Variants in SCD5 observed in about 807,000 individuals in gnomAD.
SCD5 encodes the protein stearoyl-CoA desaturase 5, also known as acyl-CoA-desaturase 4.
SCD5 carries 20 observed loss-of-function variants against 30.4 expected under a neutral mutation model. The ratio of observed to expected loss-of-function variants is 0.66; its 90% CI spans 0.46 to 0.96. SCD5 has a LOEUF of 0.96. Ranked by LOEUF, SCD5 falls within the 40% of genes least tolerant of loss-of-function variation. The pLI, the probability that SCD5 is intolerant of heterozygous loss-of-function variation, is 0.00. For missense variants in SCD5, 381 were observed against 443.3 expected (o/e 0.86, Z 1.26); for synonymous variants, 173 against 176.4 (o/e 0.98, Z 0.16).
In SCD5 at chr4:82,631,438, G is replaced by A. The variant is rs774675143; in HGVS notation, c.882C>T (p.Thr294=). The change falls in exon 5 of 5, where the codon ACC becomes ACT. Residue 294 remains threonine (T), a synonymous_variant. Coordinates refer to ENST00000319540, the MANE Select transcript of SCD5 (RefSeq NM_001037582.3). The part of the protein sequence containing the change: ...ASEFGLNFNP[T]TWFIDFMCWL... The stretch of plus-strand genomic sequence containing the variant: ...AGCACATGAAATCAATGAACCAGGT[G>A]GTTGGGTTAAAATTTAAGCCAAATT... The A allele has an allele frequency of 3.2e-5, 52 of 1,614,032 alleles. No individual in the cohort carries two copies. In the South Asian group the frequency reaches 5.3e-4, roughly 16 times the overall value.
chr4:82,794,822 G>A (rs1256280030), intron 1 of SCD5, among the ~76,000 whole-genome samples: 1 of 151,986 alleles, frequency 6.6e-6, no homozygotes, highest in Non-Finnish European at 1.5e-5. Flanking sequence ...GCTAATTTTT[G>A]TATTTTTTTT....
At chr4:82,699,681 G>T (rs1719774819) in intron 2 of SCD5, among the ~76,000 whole-genome samples, 1 of 139,096 alleles carries the variant, frequency 7.2e-6, no homozygotes, top group Non-Finnish European at 1.5e-5. Context: ...TTATTTTTTT[G>T]AGATGGAGTC....
At chr4:82,793,423 C>A (rs939895605) in intron 1 of SCD5, among the ~76,000 whole-genome samples, 62 of 152,134 alleles carry the variant, frequency 4.1e-4, no homozygotes, top group African/African-American at 1.4e-3. Flanking sequence ...AAGAGAAGGG[C>A]ATGAAGGAGG....
intron 2 of SCD5, among the ~76,000 whole-genome samples, chr4:82,703,867 CAAT>C (rs2148827121): frequency 6.6e-6 from 1 of 152,224 alleles, no homozygotes; most frequent in South Asian, 2.1e-4. Flanking sequence ...AGACCTAAGT[CAAT>C]TATTATTTTG....
At chr4:82,660,498 C>T (rs570288605) in intron 3 of SCD5, 2 of 1,047,058 alleles carry the variant, frequency 1.9e-6, no homozygotes, top group East Asian at 1.5e-4. Flanking sequence ...GGAATATCTC[C>T]TATAGAGTGC....
intron 4 of SCD5, among the ~76,000 whole-genome samples, chr4:82,635,401 T>C (rs3846348): frequency 0.89 from 135,482 of 151,698 alleles, 60,612 homozygotes; most frequent in East Asian, 0.99. Context: ...AGGCGGATCA[T>C]GAGGTCAGGA....
At chr4:82,793,199 A>G (rs1722136549) in intron 1 of SCD5, among the ~76,000 whole-genome samples, 1 of 152,212 alleles carries the variant, frequency 6.6e-6, no homozygotes, top group Admixed American at 6.5e-5. Context: ...TTTTTAAATG[A>G]TGAGTCAAAG....
At chr4:82,774,471 T>G (rs1207058541) in intron 1 of SCD5, among the ~76,000 whole-genome samples, 1 of 152,170 alleles carries the variant, frequency 6.6e-6, no homozygotes, top group Non-Finnish European at 1.5e-5. Flanking sequence ...TAATAGTATC[T>G]CTAAAATGGG....
Position 82,759,059 on chromosome 4 carries a change from G to A in SCD5, c.232+39247C>T, listed in dbSNP as rs901869289. Among the ~76,000 whole-genome samples, 8 of 152,330 alleles carry A rather than the reference G, an allele frequency of 5.3e-5. No homozygotes were observed. In the East Asian group the frequency reaches 7.7e-4, roughly 15 times the overall value. ...CCCCTCTTCAGCTCCCGGCCATCTC[G>A]GGTCAGAACGCATCACGGTTCCTTT... On this transcript the variant is annotated intron_variant, in intron 1 of 4. Coordinates refer to ENST00000319540, the MANE Select transcript of SCD5 (RefSeq NM_001037582.3).
intron 1 of SCD5, among the ~76,000 whole-genome samples, chr4:82,754,719 A>G (rs1721195279): frequency 1.3e-5 from 2 of 152,216 alleles, no homozygotes; most frequent in Admixed American, 6.5e-5. Context: ...CCAAGAAGCA[A>G]TTTAGAAGAG....
intron 1 of SCD5, among the ~76,000 whole-genome samples, chr4:82,738,559 C>T (rs1385723786): frequency 6.6e-6 from 1 of 152,236 alleles, no homozygotes; most frequent in Non-Finnish European, 1.5e-5. Context: ...CCAGCTTAGA[C>T]TAAAAGCCAC....
chr4:82,679,190 C>T (rs1463528372), intron 3 of SCD5, among the ~76,000 whole-genome samples: 2 of 89,908 alleles, frequency 2.2e-5, no homozygotes, highest in Admixed American at 1.4e-4. Flanking sequence ...CAGAGTGAGA[C>T]TCCATCTCCA....
At chr4:82,705,197 G>A (rs1183906406) in intron 2 of SCD5, 86 bp downstream of exon 2, 2 of 1,525,428 alleles carry the variant, frequency 1.3e-6, no homozygotes, top group African/African-American at 2.7e-5. Flanking sequence ...GGACAGGGGT[G>A]GAGGGGTGTC....
At chr4:82,676,040 G>A (rs1728429443) in intron 3 of SCD5, among the ~76,000 whole-genome samples, 3 of 152,170 alleles carry the variant, frequency 2.0e-5, no homozygotes, top group African/African-American at 2.4e-5. Context: ...CAAGTGGATA[G>A]GTTGTATCTT....
intron 1 of SCD5, among the ~76,000 whole-genome samples, chr4:82,725,695 A>G (rs1720454025): frequency 6.6e-6 from 1 of 152,028 alleles, no homozygotes; most frequent in Admixed American, 6.6e-5. Context: ...CCCTACCTCT[A>G]CAAAAAATAC....
chr4:82,649,357 A>C (rs1003379565), intron 3 of SCD5, among the ~76,000 whole-genome samples: 1 of 152,148 alleles, frequency 6.6e-6, no homozygotes, highest in Non-Finnish European at 1.5e-5. Flanking sequence ...GGCTTCAACT[A>C]TTTTTATCTC....
At chr4:82,726,031 T>G (rs940924) in intron 1 of SCD5, among the ~76,000 whole-genome samples, 6,914 of 152,258 alleles carry the variant, frequency 0.045, 514 homozygotes, top group African/African-American at 0.16. Flanking sequence ...CCGCAGAGGC[T>G]CTGTGTCAGC....
intron 1 of SCD5, among the ~76,000 whole-genome samples, chr4:82,798,095 G>GGA (rs1378462547): frequency 6.6e-6 from 1 of 150,688 alleles, no homozygotes; most frequent in African/African-American, 2.5e-5. Context: ...GCGGGGGGGG[G>GGA]GCGGAAGTTG....
intron 4 of SCD5, among the ~76,000 whole-genome samples, chr4:82,636,311 G>A (rs1023274975): frequency 7.3e-5 from 11 of 151,702 alleles, no homozygotes; most frequent in Admixed American, 2.0e-4. Context: ...ATTAGCCAGG[G>A]ATAGTGGTGG....
Sources: gnomAD v4.1 joint callset for allele counts (sites outside exome capture counted in the v4.1 genomes callset) on GRCh38, gnomAD v4.1.1 for gene constraint, MANE v1.5 for transcripts, NCBI Gene and HGNC (gene_info 2026-07-23, HGNC 2026-07-21) for gene names.